TECPR1: variants seen among roughly 807,000 people sequenced by gnomAD.
TECPR1 encodes the protein tectonin beta-propeller repeat-containing protein 1.
Under a neutral mutation model 162.4 loss-of-function variants are expected in TECPR1, and 122 were observed. The ratio of observed to expected loss-of-function variants is 0.75; its 90% CI spans 0.65 to 0.87. The LOEUF (loss-of-function observed/expected upper bound fraction) is 0.87. Ranked by LOEUF, TECPR1 falls within the 40% of genes least tolerant of loss-of-function variation. The pLI is 0.00. For missense variants in TECPR1, 1,432 were observed against 1,618.2 expected, an observed-to-expected ratio of 0.88 and a Z score of 1.97; for synonymous variants, 642 against 670.6, an observed-to-expected ratio of 0.96 and a Z score of 0.66.
At chr7:98,247,459 G>C in intron 2 of TECPR1, among the ~76,000 whole-genome samples, 1 of 152,058 alleles carries the variant, frequency 6.6e-6, no homozygotes, top group East Asian at 1.9e-4. Flanking sequence ...GTTTTCAAAA[G>C]AATCAATGAA....
chr7:98,247,311 AT>A (rs113819817), intron 2 of TECPR1, among the ~76,000 whole-genome samples: 149 of 149,800 alleles, frequency 9.9e-4, no homozygotes, highest in Admixed American at 3.7e-3. Flanking sequence ...CTAATTAAAA[AT>A]TTTTTTTTTG....
chr7:98,240,113 AAAAC>A (rs981825408), intron 8 of TECPR1, among the ~76,000 whole-genome samples: 8 of 152,196 alleles, frequency 5.3e-5, no homozygotes, highest in East Asian at 3.9e-4. Context: ...CGTCTCAAAA[AAAAC>A]AAACAAAAGA....
chr7:98,240,928 G>A lies in TECPR1; in HGVS notation c.856C>T (p.Pro286Ser), dbSNP rs139427443. ...ATGACCCCGTTTTCAGATCCAGGAG[G>A]CTCCACGATGGACCAGGAACTTCCT... ...PKGSSWSIVE[P>S]PGSENGVMHI... The change falls in exon 8 of 26, where the codon CCT (proline) becomes TCT (serine). Residue 286 changes from proline (P) to serine (S), a missense_variant. By Grantham distance (74) the Pro-to-Ser change is moderately conservative. Transcript: ENST00000447648. The A allele has an allele frequency of 1.9e-5, 31 of 1,608,474 alleles. No individual in the cohort carries two copies. Among genetic ancestry groups the A allele is most frequent in the Middle Eastern group, 1.7e-4 (1 of 6,058 alleles).
In TECPR1 at chr7:98,217,391, C is replaced by T; in HGVS notation, c.3497G>A (p.Ter1166=). 1 of 1,572,944 alleles carries T rather than the reference C, an allele frequency of 6.4e-7. No individual in the cohort carries two copies. Reference sequence around the variant, plus strand: ...TGCATGTAGGTGTGTGGGGGGGCCTCAGCAGCAGACGGGGCCATGGGCCTC... The same window carrying T: ...TGCATGTAGGTGTGTGGGGGGGCCTTAGCAGCAGACGGGGCCATGGGCCTC... ...PPEAHGPVCC[*] is the part of the protein sequence containing the mutation. The change falls in exon 26 of 26, where the codon TGA becomes TAA. Residue 1166 remains the stop codon, a stop_retained_variant. Coordinates refer to ENST00000447648, the MANE Select transcript of TECPR1 (RefSeq NM_015395.3).
chr7:98,236,794 C>T lies in TECPR1; in HGVS notation c.1163G>A (p.Ser388Asn), dbSNP rs763675441. ...ARECDRSHSGSSSSLLSAGCF... is the reference protein window; with the variant it reads ...ARECDRSHSGNSSSLLSAGCF... Reference sequence around the variant, plus strand: ...CAGTCACCTGAGGAGACTAGACGAGCTGCCAGAGTGTGACCGGTCACACTC... The same window carrying T: ...CAGTCACCTGAGGAGACTAGACGAGTTGCCAGAGTGTGACCGGTCACACTC... The change falls in exon 10 of 26, where the codon AGC becomes AAC. Residue 388 changes from serine to asparagine, a missense_variant. Coordinates refer to ENST00000447648, the MANE Select transcript of TECPR1 (RefSeq NM_015395.3). The T allele has an allele frequency of 3.1e-5, 49 of 1,593,554 alleles. No homozygotes were observed. Among genetic ancestry groups the T allele is most frequent in the South Asian group, 1.4e-4 (12 of 87,624 alleles).
rs1797959217 is a variant in TECPR1, at chr7:98,214,624, A to G, written c.*2766T>C. On this transcript the variant is annotated 3_prime_UTR_variant, in exon 26 of 26. Coordinates refer to ENST00000447648, the MANE Select transcript of TECPR1 (RefSeq NM_015395.3). ...GGCAGCTCTTGTTTCCGGCTGAGCC[A>G]TGGCCAGAGCAGGGCTCAGTCTGCC... The G allele has an allele frequency of 6.6e-6, 1 of 152,242 alleles. No homozygotes were observed. Among genetic ancestry groups the G allele is most frequent in the African/African-American group, 2.4e-5 (1 of 41,452 alleles). 9.4% of individuals were successfully genotyped at this position (152,242 alleles called of 1,614,324 possible).
chr7:98,222,218 C>T (rs918987300), intron 22 of TECPR1, among the ~76,000 whole-genome samples, 168 bp downstream of exon 22: 1 of 152,188 alleles, frequency 6.6e-6, no homozygotes, highest in African/African-American at 2.4e-5. Context: ...GCTCCAGCTG[C>T]CCCATTACCA....
chr7:98,246,779 C>CA (rs1562946238), intron 2 of TECPR1, among the ~76,000 whole-genome samples: 2 of 151,614 alleles, frequency 1.3e-5, no homozygotes, highest in Non-Finnish European at 2.9e-5. Flanking sequence ...GACATGATTT[C>CA]ACCATGTTGG....
At chr7:98,229,392 C>T (rs894977814) in intron 15 of TECPR1, among the ~76,000 whole-genome samples, 6 of 152,176 alleles carry the variant, frequency 3.9e-5, no homozygotes, top group African/African-American at 1.4e-4. Context: ...CTGTGCAGGT[C>T]AGACCCTCTC....
rs1798422182 is a variant in TECPR1 at position 98,231,134 on chromosome 7, G to A, written c.2125-16C>T. On this transcript the variant is annotated splice_polypyrimidine_tract_variant and intron_variant, in intron 14 of 25. Coordinates refer to ENST00000447648, the MANE Select transcript of TECPR1 (RefSeq NM_015395.3). ...GCAGGGCGAGCTGGTGTGGCACAAT[G>A]CCGGTCACTGCTGAGCAGGCCAGGC... The A allele has an allele frequency of 6.2e-7, 1 of 1,601,988 alleles. No individual in the cohort carries two copies.
chr7:98,238,632 A>G (rs1798661775), intron 8 of TECPR1, 22 bp from the exon 9 acceptor site: 2 of 1,547,716 alleles, frequency 1.3e-6, no homozygotes. Context: ...AGAAATAAAC[A>G]TGCCTTCCTG....
intron 9 of TECPR1, among the ~76,000 whole-genome samples, chr7:98,237,365 C>T (rs1798630836): frequency 6.6e-6 from 1 of 151,648 alleles, no homozygotes; most frequent in Non-Finnish European, 1.5e-5. Flanking sequence ...GCAGTCTTGG[C>T]TCACTGAAAC....
At chr7:98,230,531 G>T (rs1284869200) in intron 15 of TECPR1, among the ~76,000 whole-genome samples, 1 of 152,108 alleles carries the variant, frequency 6.6e-6, no homozygotes, top group East Asian at 1.9e-4. Context: ...CTCCCACAGC[G>T]GCTCTCTCCT....
chr7:98,227,565 A>C (rs1417539159), intron 17 of TECPR1, among the ~76,000 whole-genome samples: 2 of 152,094 alleles, frequency 1.3e-5, no homozygotes, highest in African/African-American at 4.8e-5. Flanking sequence ...TCATGCCTGT[A>C]ACCCCAGCAC....
At chr7:98,217,531 G>A in intron 25 of TECPR1, 28 bp from the exon 26 acceptor site, 1 of 1,477,130 alleles carries the variant, frequency 6.8e-7, no homozygotes, top group Non-Finnish European at 9.0e-7. Flanking sequence ...TGTCACCAGG[G>A]GACTCGGGGA....
At chr7:98,227,916 T>C (rs180851068) in intron 17 of TECPR1, 98 bp downstream of exon 17, 30 of 909,704 alleles carry the variant, frequency 3.3e-5, no homozygotes, top group Non-Finnish European at 5.0e-5. Context: ...CACCAGGCTC[T>C]ACTGGACTCC....
chr7:98,222,542 C>G (rs752752529), intron 21 of TECPR1, 21 bp from the exon 22 acceptor site: 5 of 1,558,650 alleles, frequency 3.2e-6, no homozygotes, highest in East Asian at 4.8e-5. Context: ...CAAGGAGGGG[C>G]GCTGAGGTCA....
intron 8 of TECPR1, 84 bp from the exon 9 acceptor site, chr7:98,238,694 T>G: frequency 9.0e-7 from 1 of 1,105,922 alleles, no homozygotes; most frequent in South Asian, 1.3e-5. Context: ...GGAGAACAAG[T>G]GAATAATTTG....
At chr7:98,237,382 C>G (rs1345619688) in intron 9 of TECPR1, among the ~76,000 whole-genome samples, 1 of 151,942 alleles carries the variant, frequency 6.6e-6, no homozygotes, top group Non-Finnish European at 1.5e-5. Context: ...AAACCTCCGC[C>G]TCCAGGGCTC....
Sources: gnomAD v4.1 joint callset for allele counts (sites outside exome capture counted in the v4.1 genomes callset) on GRCh38, gnomAD v4.1.1 for gene constraint, MANE v1.5 for transcripts, NCBI Gene and HGNC (gene_info 2026-07-23, HGNC 2026-07-21) for gene names.